The following API5 variants were observed in gnomAD, a reference collection of about 807,000 sequenced individuals.
API5 encodes the protein FIF.
A neutral mutation model predicts 71.9 loss-of-function variants in API5; 6 were observed. The ratio of observed to expected loss-of-function variants is 0.08; its 90% confidence interval spans 0.05 to 0.16. The LOEUF (loss-of-function observed/expected upper bound fraction) is 0.16, where lower values mean the gene tolerates loss of function less well. Ranked by LOEUF, API5 falls within the 10% of genes least tolerant of loss-of-function variation. The probability of loss-of-function intolerance (pLI) is 1.00; values close to 1 mark genes in which losing one functional copy is unlikely to be tolerated. For missense variants in API5, 332 were observed against 612.8 expected (o/e 0.54, Z 4.84); for synonymous variants, 189 against 221.3 (o/e 0.85, Z 1.30).
chr11:43,314,004 G>A (rs1854583591), intron 1 of API5, among the ~76,000 whole-genome samples: 1 of 151,962 alleles, frequency 6.6e-6, no homozygotes, highest in South Asian at 2.1e-4. Flanking sequence ...CAGGACAATT[G>A]CTTGAACCCG....
chr11:43,335,825 G>GT, intron 12 of API5, 33 bp from the exon 13 acceptor site: 1 of 1,572,842 alleles, frequency 6.4e-7, no homozygotes, highest in Non-Finnish European at 8.6e-7. Flanking sequence ...TTAATAGAAT[G>GT]TTTTTGAATT....
At chr11:43,339,935 TAGCC>T (rs1279585114) in intron 13 of API5, among the ~76,000 whole-genome samples, 3 of 152,128 alleles carry the variant, frequency 2.0e-5, no homozygotes, top group African/African-American at 7.2e-5. Context: ...ATGAAAGTCA[TAGCC>T]AGAGCAGGTA....
intron 3 of API5, 76 bp downstream of exon 3, chr11:43,320,990 T>C (rs1854870062): frequency 1.6e-6 from 2 of 1,254,960 alleles, no homozygotes; most frequent in Non-Finnish European, 1.1e-6. Flanking sequence ...TTTTAGGTTT[T>C]AAATGGGGTG....
Position 43,328,903 on chromosome 11 carries a change from G to A in API5, c.1127+10G>A. 1 of 1,613,540 alleles carries A rather than the reference G, an allele frequency of 6.2e-7. No individual in the cohort carries two copies. The highest frequency in any genetic ancestry group is 8.5e-7 in the Non-Finnish European group (1 of 1,179,662). On this transcript the variant is annotated intron_variant, in intron 9 of 13. Coordinates refer to ENST00000531273, the MANE Select transcript of API5 (RefSeq NM_001142930.2). The stretch of plus-strand genomic sequence containing the variant: ...AAGATTTCAAAATCAGGTGATATAT[G>A]ATTGAGGTGGCTCAATCCTTGGCAA...
At chr11:43,320,739 A>G (rs1026884560) in intron 2 of API5, 82 bp from the exon 3 acceptor site, 8 of 1,267,698 alleles carry the variant, frequency 6.3e-6, no homozygotes, top group Non-Finnish European at 9.0e-6. Flanking sequence ...TTTAAAAAAA[A>G]AAAAAAGAAA....
intron 11 of API5, among the ~76,000 whole-genome samples, chr11:43,334,245 C>A (rs1855354161): frequency 6.6e-6 from 1 of 152,150 alleles, no homozygotes; most frequent in Admixed American, 6.5e-5. Flanking sequence ...TCTAATTTCA[C>A]AACTTCATTT....
intron 13 of API5, among the ~76,000 whole-genome samples, chr11:43,340,945 AAAG>A (rs747858465): frequency 3.3e-5 from 5 of 152,224 alleles, no homozygotes; most frequent in Non-Finnish European, 5.9e-5. Flanking sequence ...ATCAAATTAA[AAAG>A]CTTCTGTGCA....
intron 13 of API5, among the ~76,000 whole-genome samples, chr11:43,337,456 T>G (rs2134382753): frequency 6.6e-6 from 1 of 152,306 alleles, no homozygotes; most frequent in East Asian, 1.9e-4. Flanking sequence ...ACAGATTATA[T>G]AGAAAGCCAA....
At chr11:43,339,480 C>T (rs759735946) in intron 13 of API5, 1 of 152,094 alleles carries the variant, frequency 6.6e-6, no homozygotes, top group Non-Finnish European at 1.5e-5. Context: ...GTGATAACTT[C>T]GATCAGTTTT....
intron 8 of API5, among the ~76,000 whole-genome samples, chr11:43,328,176 G>T (rs930906251): frequency 6.6e-6 from 1 of 152,310 alleles, no homozygotes; most frequent in Non-Finnish European, 1.5e-5. Flanking sequence ...TCCTTAGCAT[G>T]AATTGAGTCA....
chr11:43,329,702 GT>G (rs1270092301), intron 9 of API5, among the ~76,000 whole-genome samples: 14 of 152,222 alleles, frequency 9.2e-5, no homozygotes, highest in African/African-American at 3.4e-4. Context: ...TTATTGAATT[GT>G]TCCATTAACA....
chr11:43,323,731 C>T (rs568948385), intron 6 of API5, 95 bp downstream of exon 6: 20 of 1,164,762 alleles, frequency 1.7e-5, no homozygotes, highest in Non-Finnish European at 2.2e-5. Context: ...CCAGTAGTGT[C>T]CCTTATCTGA....
At chr11:43,337,333 A>T (rs906955280) in intron 13 of API5, among the ~76,000 whole-genome samples, 2 of 151,300 alleles carry the variant, frequency 1.3e-5, no homozygotes, top group African/African-American at 4.9e-5. Context: ...CTCTTAAAAT[A>T]AAAAAAAAGT....
At chr11:43,324,863 G>C (rs1052644580) in intron 6 of API5, among the ~76,000 whole-genome samples, 1 of 151,908 alleles carries the variant, frequency 6.6e-6, no homozygotes, top group Non-Finnish European at 1.5e-5. Context: ...ATTTTTAGTA[G>C]GGATGGGGTT....
In API5 at chr11:43,328,707, C is replaced by T; in HGVS notation, c.946-5C>T. 1 of 1,612,492 alleles carries T rather than the reference C, an allele frequency of 6.2e-7. No homozygotes were observed. The highest frequency in any genetic ancestry group is 8.5e-7 in the Non-Finnish European group (1 of 1,178,958). On this transcript the variant is annotated splice_polypyrimidine_tract_variant and splice_region_variant and intron_variant, in intron 8 of 13. Coordinates refer to ENST00000531273, the MANE Select transcript of API5 (RefSeq NM_001142930.2). ...TTGCAAAATCTGTATATTTTTCTCT[C>T]TTAGGAATACATGCCCCTCCCTCCA...
intron 11 of API5, among the ~76,000 whole-genome samples, chr11:43,331,597 G>T (rs1467874877): frequency 6.6e-6 from 1 of 152,242 alleles, no homozygotes; most frequent in Middle Eastern, 3.4e-3. Flanking sequence ...GGTTGGTCTT[G>T]TCTCAGGGGT....
chr11:43,327,652 G>A (rs1397866997), intron 7 of API5, 137 bp from the exon 8 acceptor site: 1 of 614,582 alleles, frequency 1.6e-6, no homozygotes, highest in Non-Finnish European at 2.7e-6. Flanking sequence ...TATCTCTAAG[G>A]TTTTCTTCCA....
At chr11:43,334,134 GA>G (rs752747623) in intron 11 of API5, among the ~76,000 whole-genome samples, 2 of 152,094 alleles carry the variant, frequency 1.3e-5, no homozygotes, top group Non-Finnish European at 2.9e-5. Flanking sequence ...AAGTTGGGTA[GA>G]AGTATGTGAC....
chr11:43,320,801 T>A lies in API5; in HGVS notation c.232-20T>A. ...AAAGGTGATAGTATTTGGTTAATTT[T>A]TGTTTGAAATCATGCCCAGATTCGA... On this transcript the variant is annotated intron_variant, in intron 2 of 13. Coordinates refer to ENST00000531273, the MANE Select transcript of API5 (RefSeq NM_001142930.2). 6.3e-7 allele frequency: 1 copy of A among 1,592,974 alleles called. No homozygotes were observed. Among genetic ancestry groups the A allele is most frequent in the South Asian group, 1.1e-5 (1 of 89,452 alleles).
Sources: gnomAD v4.1 joint callset for allele counts (sites outside exome capture counted in the v4.1 genomes callset) on GRCh38, gnomAD v4.1.1 for gene constraint, MANE v1.5 for transcripts, NCBI Gene and HGNC (gene_info 2026-07-23, HGNC 2026-07-21) for gene names.